The following GLDN variants were observed in gnomAD, a reference collection of about 807,000 sequenced individuals.
GLDN encodes the protein collomin.
A neutral mutation model predicts 56.5 loss-of-function variants in GLDN; 47 were observed. The observed-to-expected ratio is 0.83, with a 90% CI of 0.66 to 1.06. The LOEUF is 1.06. Among genes scored for constraint, GLDN ranks in the 50% least tolerant of loss-of-function variants. GLDN has a pLI of 0.00. For missense variants in GLDN, 782 were observed against 714.3 expected, an observed-to-expected ratio of 1.09 and a Z score of -1.08; for synonymous variants, 332 against 278.8, an observed-to-expected ratio of 1.19 and a Z score of -1.90.
intron 1 of GLDN, among the ~76,000 whole-genome samples, chr15:51,349,263 A>T (rs1366172813): frequency 1.3e-5 from 2 of 152,264 alleles, no homozygotes; most frequent in Non-Finnish European, 2.9e-5. Context: ...TCCTGTTTGC[A>T]GTGCTATATT....
chr15:51,383,464 A>G lies in GLDN; in HGVS notation c.433+11A>G, dbSNP rs1343196204. 1.2e-6 allele frequency: 2 copies of G among 1,613,826 alleles called. No individual in the cohort carries two copies. The highest frequency in any genetic ancestry group is 8.5e-7 in the Non-Finnish European group (1 of 1,179,900). On this transcript the variant is annotated intron_variant, in intron 3 of 9. Transcript: ENST00000335449. The stretch of plus-strand genomic sequence containing the variant: ...CTTCTGGACCACCAGGTAAGAGCCC[A>G]TGGATTTTCTAGTTCAAGGGGAGGC...
chr15:51,350,399 A>G (rs2037054534), intron 1 of GLDN, among the ~76,000 whole-genome samples: 1 of 152,150 alleles, frequency 6.6e-6, no homozygotes, highest in African/African-American at 2.4e-5. Flanking sequence ...AGGAGGATTA[A>G]AAAAGAAAGG....
At chr15:51,382,263 A>T (rs891155850) in intron 2 of GLDN, among the ~76,000 whole-genome samples, 1 of 152,134 alleles carries the variant, frequency 6.6e-6, no homozygotes, top group Non-Finnish European at 1.5e-5. Flanking sequence ...ATGGGAGTGG[A>T]GACTTCACTG....
chr15:51,343,776 T>C (rs527611851), intron 1 of GLDN, among the ~76,000 whole-genome samples: 6 of 152,290 alleles, frequency 3.9e-5, no homozygotes, highest in African/African-American at 1.4e-4. Flanking sequence ...ACTTTCCTCT[T>C]GGGAGCAGTT....
rs765383501 is a variant in GLDN, at chr15:51,400,186, T to A, written c.818-6T>A. 1 of 1,613,676 alleles carries A rather than the reference T, an allele frequency of 6.2e-7. No homozygotes were observed. The highest frequency in any genetic ancestry group is 1.1e-5 in the South Asian group (1 of 91,044). On this transcript the variant is annotated splice_polypyrimidine_tract_variant and splice_region_variant and intron_variant, in intron 6 of 9. Transcript: ENST00000335449. ...TCGGCTCTGATGATTATTGTTGTCA[T>A]TTTAGGTGAGACTTGTGCCATACCA... is the stretch of plus-strand genomic sequence containing the variant.
chr15:51,387,116 C>G (rs1045633327), intron 4 of GLDN, among the ~76,000 whole-genome samples: 1 of 151,924 alleles, frequency 6.6e-6, no homozygotes, highest in Non-Finnish European at 1.5e-5. Context: ...GGGTTTCAGC[C>G]CTGAGAAGCT....
chr15:51,373,794 G>A (rs531994260), intron 1 of GLDN, among the ~76,000 whole-genome samples: 5 of 152,300 alleles, frequency 3.3e-5, no homozygotes, highest in Admixed American at 3.3e-4. Context: ...AGTACCCCCA[G>A]GACAATGACC....
At chr15:51,379,475 C>T (rs1331768507) in intron 2 of GLDN, among the ~76,000 whole-genome samples, 2 of 152,216 alleles carry the variant, frequency 1.3e-5, no homozygotes, top group African/African-American at 4.8e-5. Context: ...TGTCTCTAGT[C>T]TCTTATTCTA....
At chr15:51,412,136 T>C (rs1227330806), downstream of GLDN, among the ~76,000 whole-genome samples, 1 of 152,212 alleles carries the variant, frequency 6.6e-6, no homozygotes, top group African/African-American at 2.4e-5. Flanking sequence ...CTATAAGGTA[T>C]AGTCTTTTTT....
chr15:51,374,551 T>C (rs34567441), intron 1 of GLDN, among the ~76,000 whole-genome samples: 10,312 of 152,244 alleles, frequency 0.068, 545 homozygotes, highest in East Asian at 0.27. Context: ...GGCATCTCTC[T>C]AAGCCTCTAT....
chr15:51,380,059 G>T (rs1280317009), intron 2 of GLDN, among the ~76,000 whole-genome samples: 2 of 152,156 alleles, frequency 1.3e-5, no homozygotes, highest in African/African-American at 4.8e-5. Context: ...CAGAGTGGAA[G>T]GTGGCAGAAG....
At chr15:51,410,652 G>C (rs2038455686), downstream of GLDN, among the ~76,000 whole-genome samples, 1 of 152,138 alleles carries the variant, frequency 6.6e-6, no homozygotes, top group East Asian at 1.9e-4. Flanking sequence ...TGCTTCCCAG[G>C]GAACCCAACC....
intron 1 of GLDN, among the ~76,000 whole-genome samples, chr15:51,355,726 T>C (rs2037165720): frequency 2.0e-5 from 3 of 149,742 alleles, no homozygotes; most frequent in Admixed American, 6.6e-5. Flanking sequence ...GGTTTCACCG[T>C]GTTAGCCGGG....
chr15:51,380,541 C>T (rs779082925), intron 2 of GLDN, among the ~76,000 whole-genome samples: 22 of 152,286 alleles, frequency 1.4e-4, no homozygotes, highest in Non-Finnish European at 2.1e-4. Flanking sequence ...TCTGAGAGGA[C>T]GGAGGACATC....
At chr15:51,353,169 A>G (rs745576948) in intron 1 of GLDN, among the ~76,000 whole-genome samples, 54 of 152,290 alleles carry the variant, frequency 3.5e-4, no homozygotes, top group Admixed American at 1.6e-3. Context: ...CAGACTTGGC[A>G]TAAGAGGAGA....
chr15:51,348,301 T>C (rs575246793), intron 1 of GLDN, among the ~76,000 whole-genome samples: 1 of 151,564 alleles, frequency 6.6e-6, no homozygotes, highest in South Asian at 2.1e-4. Flanking sequence ...TCTTTTCTGT[T>C]CTGTTCTTTT....
chr15:51,350,441 T>C (rs2037055229), intron 1 of GLDN, among the ~76,000 whole-genome samples: 1 of 152,180 alleles, frequency 6.6e-6, no homozygotes, highest in Non-Finnish European at 1.5e-5. Context: ...ATGCAGAGCC[T>C]GGGAAGTGGG....
At chr15:51,386,311 G>A (rs2037891499) in intron 4 of GLDN, among the ~76,000 whole-genome samples, 1 of 152,180 alleles carries the variant, frequency 6.6e-6, no homozygotes. Flanking sequence ...TATCTGAAGA[G>A]CCCAGCTCGA....
chr15:51,372,127 T>C (rs1434346457), intron 1 of GLDN, among the ~76,000 whole-genome samples: 1 of 152,158 alleles, frequency 6.6e-6, no homozygotes, highest in African/African-American at 2.4e-5. Flanking sequence ...TGAAGTGTGC[T>C]CACTCAGGAC....
Sources: gnomAD v4.1 joint callset for allele counts (sites outside exome capture counted in the v4.1 genomes callset) on GRCh38, gnomAD v4.1.1 for gene constraint, MANE v1.5 for transcripts, NCBI Gene and HGNC (gene_info 2026-07-23, HGNC 2026-07-21) for gene names.